TNIK: variants seen among roughly 807,000 people sequenced by gnomAD.
TNIK encodes TRAF2 and NCK interacting kinase, also known as TRAF2 and NCK-interacting protein kinase.
A neutral mutation model predicts 191.3 loss-of-function variants in TNIK; 49 were observed. The observed-to-expected ratio is 0.26, with a 90% confidence interval of 0.20 to 0.32. The LOEUF is 0.32. Ranked by LOEUF, TNIK falls within the 10% of genes least tolerant of loss-of-function variation. The probability of loss-of-function intolerance (pLI) is 1.00; values close to 1 mark genes in which losing one functional copy is unlikely to be tolerated. For missense variants in TNIK, 1,155 were observed against 1,702.3 expected (o/e 0.68, Z 5.66); for synonymous variants, 594 against 600.9 (o/e 0.99, Z 0.17).
chr3:171,197,233 C>T (rs938264111), intron 4 of TNIK, among the ~76,000 whole-genome samples: 1 of 152,044 alleles, frequency 6.6e-6, no homozygotes, highest in Non-Finnish European at 1.5e-5. Context: ...ACCTCACACC[C>T]TATACAAAAA....
At chr3:171,165,971 G>A (rs1480075296) in intron 10 of TNIK, among the ~76,000 whole-genome samples, 1 of 152,158 alleles carries the variant, frequency 6.6e-6, no homozygotes, top group African/African-American at 2.4e-5. Flanking sequence ...TGGTCATGGC[G>A]CAGTCAATAT....
chr3:171,273,334 G>A (rs528025347), intron 2 of TNIK, among the ~76,000 whole-genome samples: 2 of 152,190 alleles, frequency 1.3e-5, no homozygotes, highest in Admixed American at 6.5e-5. Context: ...GGGCTTTACT[G>A]TAGTGGGCCT....
intron 2 of TNIK, among the ~76,000 whole-genome samples, chr3:171,360,120 A>G (rs939887421): frequency 1.3e-5 from 2 of 152,224 alleles, no homozygotes; most frequent in Non-Finnish European, 2.9e-5. Context: ...ATCCATGTCC[A>G]TCCCTAACAG....
chr3:171,321,491 C>T (rs747583997), intron 2 of TNIK, among the ~76,000 whole-genome samples: 3 of 152,160 alleles, frequency 2.0e-5, no homozygotes, highest in Non-Finnish European at 4.4e-5. Flanking sequence ...AGGCAGGCCA[C>T]GCTGTAATTT....
At chr3:171,380,510 G>A (rs955643512) in intron 1 of TNIK, among the ~76,000 whole-genome samples, 11 of 152,184 alleles carry the variant, frequency 7.2e-5, no homozygotes, top group South Asian at 2.1e-4. Flanking sequence ...CCAATGACAC[G>A]TTATTTGCTT....
intron 4 of TNIK, among the ~76,000 whole-genome samples, chr3:171,200,156 G>T (rs1739229535): frequency 6.6e-6 from 1 of 152,120 alleles, no homozygotes; most frequent in Non-Finnish European, 1.5e-5. Context: ...AGGGGGTGGA[G>T]GAATTTTAAA....
At chr3:171,348,206 C>A (rs1032743758) in intron 2 of TNIK, among the ~76,000 whole-genome samples, 1 of 152,162 alleles carries the variant, frequency 6.6e-6, no homozygotes, top group Non-Finnish European at 1.5e-5. Flanking sequence ...AGCACAAGTA[C>A]TCCCTGGGGC....
At chr3:171,120,165 A>G (rs1424078571) in intron 18 of TNIK, among the ~76,000 whole-genome samples, 2 of 151,824 alleles carry the variant, frequency 1.3e-5, no homozygotes, top group African/African-American at 4.8e-5. Flanking sequence ...TGATTTAAAC[A>G]TATGTGTCCC....
At chr3:171,215,178 A>C (rs1741312230) in intron 3 of TNIK, among the ~76,000 whole-genome samples, 1 of 152,132 alleles carries the variant, frequency 6.6e-6, no homozygotes, top group East Asian at 1.9e-4. Flanking sequence ...AGAAACCGGG[A>C]TTGACCTTCT....
At chr3:171,440,421 A>C (rs1271028211) in intron 1 of TNIK, among the ~76,000 whole-genome samples, 1 of 152,204 alleles carries the variant, frequency 6.6e-6, no homozygotes, top group African/African-American at 2.4e-5. Flanking sequence ...GGAAGATGAC[A>C]TGCTAAAAGG....
chr3:171,184,093 C>T (rs1413855042), intron 7 of TNIK, among the ~76,000 whole-genome samples: 1 of 151,986 alleles, frequency 6.6e-6, no homozygotes, highest in Non-Finnish European at 1.5e-5. Context: ...ATTATAACCT[C>T]CGAATAAACA....
At chr3:171,364,361 T>C (rs1339483556) in intron 2 of TNIK, among the ~76,000 whole-genome samples, 1 of 150,260 alleles carries the variant, frequency 6.7e-6, no homozygotes, top group Admixed American at 6.6e-5. Context: ...CCCCATCCCA[T>C]TATAAAAAAA....
chr3:171,108,764 C>T (rs1292183271), intron 19 of TNIK, among the ~76,000 whole-genome samples: 1 of 152,074 alleles, frequency 6.6e-6, no homozygotes, highest in Non-Finnish European at 1.5e-5. Flanking sequence ...TGGGAGTGGT[C>T]TCAGCCCTTT....
chr3:171,261,952 G>A (rs1012186788), intron 2 of TNIK, among the ~76,000 whole-genome samples: 2 of 152,098 alleles, frequency 1.3e-5, no homozygotes, highest in East Asian at 1.9e-4. Flanking sequence ...ATAACAAGAC[G>A]CCAGGTTTTA....
intron 3 of TNIK, among the ~76,000 whole-genome samples, chr3:171,219,360 GTA>G (rs202172078): frequency 6.9e-6 from 1 of 144,842 alleles, no homozygotes; most frequent in Admixed American, 7.1e-5. Flanking sequence ...ATAATGATGT[GTA>G]TATATATATA....
intron 1 of TNIK, among the ~76,000 whole-genome samples, chr3:171,453,750 G>A (rs1047366958): frequency 1.3e-5 from 2 of 152,138 alleles, no homozygotes; most frequent in Non-Finnish European, 2.9e-5. Flanking sequence ...GGGAACAGTG[G>A]AGACAAGGGG....
At chr3:171,395,666 G>A (rs1215459412) in intron 1 of TNIK, among the ~76,000 whole-genome samples, 3 of 152,082 alleles carry the variant, frequency 2.0e-5, no homozygotes, top group Non-Finnish European at 4.4e-5. Flanking sequence ...CGATTAACCA[G>A]GTTTTTTAGA....
intron 1 of TNIK, among the ~76,000 whole-genome samples, chr3:171,416,001 AGAAAAAGAAAGAAAGGAAG>A (rs1723025774): frequency 6.9e-6 from 1 of 145,916 alleles, no homozygotes; most frequent in African/African-American, 2.5e-5. Flanking sequence ...AAAAAAAGAA[AGAAAAAGAAAGAAAGGAAG>A]AAAAAGAAAA....
At position 171,434,020 on chromosome 3, in the gene TNIK, G is replaced by T. The variant is rs578154713; in HGVS notation, c.57+25987C>A. On this transcript the variant is annotated intron_variant, in intron 1 of 32. Transcript: ENST00000436636. ...GAGTGCAGAAGCATGAGCTCAGCTC[G>T]CTACAACCACCACCTCCTGGGTTCA... 1.3e-3 allele frequency among the ~76,000 whole-genome samples: 166 copies of T among 126,408 alleles called. 2 individuals are homozygous for T. Among genetic ancestry groups the T allele is most frequent in the African/African-American group, 4.6e-3 (155 of 33,524 alleles). 82.9% of individuals were successfully genotyped at this position (126,408 alleles called of 152,430 possible).
Sources: gnomAD v4.1 joint callset for allele counts (sites outside exome capture counted in the v4.1 genomes callset) on GRCh38, gnomAD v4.1.1 for gene constraint, MANE v1.5 for transcripts, NCBI Gene and HGNC (gene_info 2026-07-23, HGNC 2026-07-21) for gene names.